The following NCAM2 variants were observed in gnomAD, a reference collection of about 807,000 sequenced individuals.
The protein encoded by NCAM2 is neural cell adhesion molecule 2, also known as N-CAM-2.
NCAM2 carries 30 observed loss-of-function variants against 98.1 expected under a neutral mutation model. The observed-to-expected ratio is 0.31, with a 90% confidence interval of 0.23 to 0.41. The LOEUF (loss-of-function observed/expected upper bound fraction) is 0.41. NCAM2 is among the 10% of genes least tolerant of loss of function. The probability of loss-of-function intolerance (pLI) is 1.00; values close to 1 mark genes in which losing one functional copy is unlikely to be tolerated. For synonymous variants in NCAM2, 368 were observed against 342.4 expected (o/e 1.07, Z -0.83); for missense variants, 867 against 1,005.8 (o/e 0.86, Z 1.87).
chr21:21,183,789 G>T (rs1187854623), intron 1 of NCAM2, among the ~76,000 whole-genome samples: 2 of 151,976 alleles, frequency 1.3e-5, no homozygotes, highest in East Asian at 1.9e-4. Flanking sequence ...CACCACCTCA[G>T]TGTTACTGAC....
chr21:21,154,926 G>A (rs1055663266), intron 1 of NCAM2, among the ~76,000 whole-genome samples: 2 of 151,844 alleles, frequency 1.3e-5, no homozygotes, highest in Non-Finnish European at 2.9e-5. Context: ...GTGGCAGGGA[G>A]TGGGCTTTTG....
intron 9 of NCAM2, among the ~76,000 whole-genome samples, chr21:21,401,842 G>T (rs1007644245): frequency 1.3e-5 from 2 of 152,192 alleles, no homozygotes; most frequent in Non-Finnish European, 2.9e-5. Flanking sequence ...TATGGTAATT[G>T]TTGCAGGAAG....
At chr21:21,227,940 CTT>C (rs986825913) in intron 1 of NCAM2, among the ~76,000 whole-genome samples, 5 of 151,658 alleles carry the variant, frequency 3.3e-5, no homozygotes, top group African/African-American at 9.7e-5. Flanking sequence ...CAACTAATGA[CTT>C]TTAATGAATT....
intron 17 of NCAM2, among the ~76,000 whole-genome samples, chr21:21,536,193 C>G (rs1488961238): frequency 2.6e-5 from 4 of 151,888 alleles, no homozygotes; most frequent in Non-Finnish European, 5.9e-5. Flanking sequence ...TCATTCCCAG[C>G]AATGGATATT....
At chr21:21,458,356 G>A (rs1982460949) in intron 12 of NCAM2, among the ~76,000 whole-genome samples, 1 of 152,222 alleles carries the variant, frequency 6.6e-6, no homozygotes, top group South Asian at 2.1e-4. Context: ...GGATTTCAGA[G>A]GAAGGGCCTC....
chr21:21,130,736 T>G (rs1337309742), intron 1 of NCAM2, among the ~76,000 whole-genome samples: 1 of 2,494 alleles, frequency 4.0e-4, no homozygotes, highest in South Asian at 0.013. Flanking sequence ...AATTACCAAT[T>G]TTTTTTTGGT....
At chr21:21,316,290 T>C (rs1055953382) in intron 5 of NCAM2, among the ~76,000 whole-genome samples, 2 of 152,152 alleles carry the variant, frequency 1.3e-5, no homozygotes, top group African/African-American at 2.4e-5. Context: ...TATTATACTT[T>C]AAGTTCTAGG....
intron 1 of NCAM2, among the ~76,000 whole-genome samples, chr21:21,237,311 A>C (rs2059280166): frequency 1.3e-5 from 2 of 152,250 alleles, no homozygotes; most frequent in South Asian, 4.1e-4. Context: ...TACCTCTTCT[A>C]AGGAAAATTC....
At chr21:21,335,438 A>G in intron 6 of NCAM2, 67 bp from the exon 7 acceptor site, 1 of 1,367,776 alleles carries the variant, frequency 7.3e-7, no homozygotes, top group Non-Finnish European at 9.8e-7. Flanking sequence ...TAGATTAAAA[A>G]GTTGATTAAA....
intron 15 of NCAM2, among the ~76,000 whole-genome samples, chr21:21,494,169 A>G (rs1436796649): frequency 6.6e-6 from 1 of 151,946 alleles, no homozygotes; most frequent in Admixed American, 6.6e-5. Flanking sequence ...TAGAAAACGC[A>G]GAAGTTTTAT....
At chr21:21,045,104 G>A (rs1209894962) in intron 1 of NCAM2, among the ~76,000 whole-genome samples, 2 of 152,012 alleles carry the variant, frequency 1.3e-5, no homozygotes, top group African/African-American at 4.8e-5. Context: ...ATTTTATAGT[G>A]CATTTCTAGA....
At chr21:21,317,230 A>G (rs966153066) in intron 5 of NCAM2, among the ~76,000 whole-genome samples, 1 of 152,080 alleles carries the variant, frequency 6.6e-6, no homozygotes, top group African/African-American at 2.4e-5. Context: ...GTGACTGGAC[A>G]TGGTGTCTTT....
chr21:21,370,120 T>C (rs1337144974), intron 8 of NCAM2, among the ~76,000 whole-genome samples: 1 of 151,834 alleles, frequency 6.6e-6, no homozygotes, highest in South Asian at 2.1e-4. Flanking sequence ...TCCTGACTTA[T>C]CATTTTGACT....
At chr21:21,175,394 A>G (rs988202731) in intron 1 of NCAM2, among the ~76,000 whole-genome samples, 2 of 152,056 alleles carry the variant, frequency 1.3e-5, no homozygotes, top group African/African-American at 4.8e-5. Flanking sequence ...TTATCTGGGC[A>G]TGGTGGCATG....
chr21:21,287,667 A>G (rs1280708174), intron 4 of NCAM2, among the ~76,000 whole-genome samples: 3 of 151,926 alleles, frequency 2.0e-5, no homozygotes, highest in Non-Finnish European at 4.4e-5. Context: ...AGTAAATTTT[A>G]TTTTTAAAAG....
chr21:21,535,067 G>A (rs976642274), intron 17 of NCAM2, among the ~76,000 whole-genome samples: 10 of 151,922 alleles, frequency 6.6e-5, no homozygotes, highest in African/African-American at 1.2e-4. Context: ...ATATACGCAC[G>A]GCTATTTTAA....
intron 7 of NCAM2, among the ~76,000 whole-genome samples, chr21:21,335,924 G>T (rs1487313434): frequency 6.6e-6 from 1 of 152,090 alleles, no homozygotes; most frequent in Non-Finnish European, 1.5e-5. Flanking sequence ...AGTGGGGTTT[G>T]TCATCTGTGT....
chr21:21,482,197 A>G (rs1371874024), intron 15 of NCAM2, among the ~76,000 whole-genome samples: 2 of 152,202 alleles, frequency 1.3e-5, no homozygotes, highest in African/African-American at 4.8e-5. Context: ...CCATAAATTA[A>G]GAATTGTTTG....
At chr21:21,254,901 T>C (rs953394927) in intron 1 of NCAM2, among the ~76,000 whole-genome samples, 42 of 16,780 alleles carry the variant, frequency 2.5e-3, no homozygotes, top group Admixed American at 4.5e-3. Flanking sequence ...TAATAGTTTG[T>C]GTGTGTGTGT....
Sources: gnomAD v4.1 joint callset for allele counts (sites outside exome capture counted in the v4.1 genomes callset) on GRCh38, gnomAD v4.1.1 for gene constraint, MANE v1.5 for transcripts, NCBI Gene and HGNC (gene_info 2026-07-23, HGNC 2026-07-21) for gene names.